Variants in NOXA1 observed in about 807,000 individuals in gnomAD.
NOXA1 encodes the protein NCF2-like protein.
Under a neutral mutation model 64.8 loss-of-function variants are expected in NOXA1, and 56 were observed. The observed-to-expected ratio is 0.86, with a 90% CI of 0.70 to 1.08. The LOEUF (loss-of-function observed/expected upper bound fraction) is 1.08. Ranked by LOEUF, NOXA1 falls within the 50% of genes least tolerant of loss-of-function variation. The pLI is 0.00. For synonymous variants in NOXA1, 295 were observed against 294.8 expected (o/e 1.00, Z -0.01); for missense variants, 668 against 658.5 (o/e 1.01, Z -0.16).
intron 3 of NOXA1, 23 bp downstream of exon 3, chr9:137,428,164 G>T: frequency 6.6e-7 from 1 of 1,516,942 alleles, no homozygotes; most frequent in South Asian, 1.2e-5. Flanking sequence ...AGGGCTCACT[G>T]TGCTGCTGGC....
In NOXA1 at chr9:137,433,790, C is replaced by G. The variant is rs1015558594; in HGVS notation, c.1105C>G (p.Pro369Ala). ...TGAGGACGGGCACTGGGTCCCCATC[C>G]CCGAGGAGGAGTCGCTGCAGAGGGC... ...PGEDGHWVPI[P>A]EEESLQRAWQ... Residue 369 changes from proline to alanine, a missense_variant, in exon 12 of 14, where the codon CCC (proline) becomes GCC (alanine). Transcript: ENST00000683555. 6.9e-7 allele frequency: 1 copy of G among 1,454,114 alleles called. No homozygotes were observed. Among genetic ancestry groups the G allele is most frequent in the Non-Finnish European group, 9.1e-7 (1 of 1,100,028 alleles). The allele number at this position is 1,454,114 out of a possible 1,614,324, so 90.1% of individuals were successfully genotyped here.
At chr9:137,427,987 C>A in intron 2 of NOXA1, 46 bp from the exon 3 acceptor site, 1 of 1,341,398 alleles carries the variant, frequency 7.5e-7, no homozygotes, top group Middle Eastern at 2.2e-4. Context: ...CTAACCACAG[C>A]CCCATCTCCG....
intron 2 of NOXA1, 92 bp downstream of exon 2, chr9:137,426,422 A>G: frequency 1.9e-6 from 2 of 1,055,044 alleles, no homozygotes; most frequent in Non-Finnish European, 2.9e-6. Context: ...CTCTCCATCC[A>G]CTCCCTCCTC....
rs1041246842 is a variant in NOXA1, at chr9:137,423,441, A to T, written c.-89A>T. ...GCGCCCGCACCTCTGCCCGCCTCGG[A>T]GACCCCGCAGCCCCGCGCCGCCGCC... On this transcript the variant is annotated 5_prime_UTR_variant, in exon 1 of 14. Coordinates refer to ENST00000683555, the MANE Select transcript of NOXA1 (RefSeq NM_001256067.2). 3 of 874,888 alleles carry T rather than the reference A, an allele frequency of 3.4e-6. No homozygotes were observed. Among genetic ancestry groups the T allele is most frequent in the Admixed American group, 9.4e-5 (2 of 21,182 alleles). The allele number at this position is 874,888 out of a possible 1,614,324, so 54.2% of individuals were successfully genotyped here.
In NOXA1 at chr9:137,431,280, C is replaced by G; in HGVS notation, c.743C>G (p.Pro248Arg). 2 of 1,612,754 alleles carry G rather than the reference C, an allele frequency of 1.2e-6. No homozygotes were observed. The highest frequency in any genetic ancestry group is 1.7e-6 in the Non-Finnish European group (2 of 1,179,950). The change falls in exon 8 of 14, where the codon CCC becomes CGC. Residue 248 changes from proline (P) to arginine (R), a missense_variant. Physicochemically the swap from Pro to Arg is moderately radical, Grantham distance 103 (BLOSUM62 -2). Coordinates refer to ENST00000683555, the MANE Select transcript of NOXA1 (RefSeq NM_001256067.2). This position sits in a 1 kb window ranked among gnomAD's most constrained non-coding sequence, Gnocchi z 5.6. ...DSPRAGTHQG[P>R]LDAETEVGAD... ...CCAAGAGCTGGCACCCACCAGGGCC[C>G]CCTCGATGCAGAGACAGAGGTCGGT...
At chr9:137,425,871 CA>C (rs577104589) in intron 1 of NOXA1, among the ~76,000 whole-genome samples, 2,229 of 107,960 alleles carry the variant, frequency 0.021, 42 homozygotes, top group African/African-American at 0.059. Context: ...GACCCCGTCT[CA>C]AAAAAAAAAA....
In NOXA1 at chr9:137,433,848, T is replaced by TG; in HGVS notation, c.1164dup (p.Gln389AlafsTer43). On this transcript the variant is annotated frameshift_variant, in exon 12 of 14. Transcript: ENST00000683555. LOFTEE classifies it high-confidence loss of function. ...GACGCAGCTGCCTGCCCCAGGGGGCTGCAGCTGCAGTGCAGGGTGAGCCAA... is the reference window on the plus strand; with the variant it reads ...GACGCAGCTGCCTGCCCCAGGGGGCTGGCAGCTGCAGTGCAGGGTGAGCCAA... 1 of 1,451,216 alleles carries TG rather than the reference T, an allele frequency of 6.9e-7. No individual in the cohort carries two copies. The highest frequency in any genetic ancestry group is 9.1e-7 in the Non-Finnish European group (1 of 1,099,450). The allele number at this position is 1,451,216 out of a possible 1,614,324, so 89.9% of individuals were successfully genotyped here.
At chr9:137,432,579 C>A (rs1333014637) in intron 8 of NOXA1, among the ~76,000 whole-genome samples, 1 of 152,196 alleles carries the variant, frequency 6.6e-6, no homozygotes, top group African/African-American at 2.4e-5. Context: ...GACTCCCTCT[C>A]AAAAAACAAC....
rs771722486 is a variant in NOXA1, at chr9:137,433,542, C to T, written c.999C>T (p.Asp333=). Residue 333 remains aspartate, a synonymous_variant, in exon 11 of 14, where the codon GAC becomes GAT. Transcript: ENST00000683555. ...CCCTGAGGGCACGAAGAGGAGCCGA[C>T]CTGTCCAGCCTGCGGGCACTGCTGG... ...TVALRARRGA[D]LSSLRALLGQ... is the part of the protein sequence containing the mutation. 1.7e-5 allele frequency: 27 copies of T among 1,581,286 alleles called. 1 individual carries two copies. The highest frequency in any genetic ancestry group is 1.6e-4 in the East Asian group (7 of 43,712).
intron 8 of NOXA1, among the ~76,000 whole-genome samples, chr9:137,432,279 CA>C (rs35916187): frequency 1.5e-3 from 152 of 102,236 alleles, no homozygotes; most frequent in African/African-American, 2.2e-3. Context: ...GACCCTGTCT[CA>C]AAAAAAAAAA....
rs1193959078 is a variant in NOXA1 at position 137,423,549 on chromosome 9, T to G, written c.20T>G (p.Leu7Arg). ...GCCGCCATGGCCTCTCTGGGGGACCTGGTGCGCGCCTGGCACCTGGGCGCG... is the reference window on the plus strand; with the variant it reads ...GCCGCCATGGCCTCTCTGGGGGACCGGGTGCGCGCCTGGCACCTGGGCGCG... MASLGD[L>R]VRAWHLGAQA... The change falls in exon 1 of 14, where the codon CTG becomes CGG. Residue 7 changes from leucine (L) to arginine (R), a missense_variant. Transcript: ENST00000683555. 1 of 1,441,538 alleles carries G rather than the reference T, an allele frequency of 6.9e-7. No individual in the cohort carries two copies. Among genetic ancestry groups the G allele is most frequent in the South Asian group, 1.4e-5 (1 of 70,150 alleles). The allele number at this position is 1,441,538 out of a possible 1,614,324, so 89.3% of individuals were successfully genotyped here. A position where few individuals can be genotyped will look rare whatever the true frequency, so the allele number is the denominator to read the frequency against.
intron 1 of NOXA1, among the ~76,000 whole-genome samples, chr9:137,424,794 C>G (rs976563429): frequency 6.6e-6 from 1 of 152,124 alleles, no homozygotes; most frequent in African/African-American, 2.4e-5. Context: ...CTTTAGACAC[C>G]AGGTGGTTCA....
At chr9:137,433,651 G>A (rs551494532) in intron 11 of NOXA1, 44 bp downstream of exon 11, 72 of 1,523,004 alleles carry the variant, frequency 4.7e-5, no homozygotes, top group Admixed American at 3.4e-4. Context: ...GCTGGGCACC[G>A]CCCCGACTGA....
In NOXA1 at chr9:137,431,406, G is replaced by T; in HGVS notation, c.804+65G>T. The T allele has an allele frequency of 7.6e-7, 1 of 1,314,600 alleles. No homozygotes were observed. Among genetic ancestry groups the T allele is most frequent in the Non-Finnish European group, 1.1e-6 (1 of 925,830 alleles). The allele number at this position is 1,314,600 out of a possible 1,614,324, so 81.4% of individuals were successfully genotyped here. ...GCTTCTGCTGCCTCCGCAGACTGGGGACCACAATGGGACCAACATGAGGGT... is the reference window on the plus strand; with the variant it reads ...GCTTCTGCTGCCTCCGCAGACTGGGTACCACAATGGGACCAACATGAGGGT... On this transcript the variant is annotated intron_variant, in intron 8 of 13. Coordinates refer to ENST00000683555, the MANE Select transcript of NOXA1 (RefSeq NM_001256067.2). The surrounding 1 kb of genome is among the most constrained non-coding windows in gnomAD (Gnocchi z 5.6).
chr9:137,432,481 G>A (rs1321672788), intron 8 of NOXA1, among the ~76,000 whole-genome samples: 4 of 152,282 alleles, frequency 2.6e-5, no homozygotes, highest in East Asian at 1.9e-4. Context: ...TCAGGAGGCA[G>A]AGCCAGGAGA....
chr9:137,428,014 G>T lies in NOXA1; in HGVS notation c.261-19G>T. 1.3e-6 allele frequency: 2 copies of T among 1,539,256 alleles called. No homozygotes were observed. Among genetic ancestry groups the T allele is most frequent in the Non-Finnish European group, 1.8e-6 (2 of 1,136,450 alleles). ...CCATCTCCGCCCTGTGCTGCTGAGGGGACCCCGGCTGCCCACAGGTTCCAG... is the reference window on the plus strand; with the variant it reads ...CCATCTCCGCCCTGTGCTGCTGAGGTGACCCCGGCTGCCCACAGGTTCCAG... On this transcript the variant is annotated intron_variant, in intron 2 of 13. Transcript: ENST00000683555.
chr9:137,429,524 TGGCGCCCAC>T lies in NOXA1; in HGVS notation c.612+144_612+152del, dbSNP rs893062818. On this transcript the variant is annotated intron_variant, in intron 5 of 13. Coordinates refer to ENST00000683555, the MANE Select transcript of NOXA1 (RefSeq NM_001256067.2). Reference sequence around the variant, plus strand: ...AGTGGGCCCACAGCCATCCTCAAACTGGCGCCCACGGTAGGGGGGCGGTGCCCCAAATGG... The same window carrying T: ...AGTGGGCCCACAGCCATCCTCAAACTGGTAGGGGGGCGGTGCCCCAAATGG... The T allele has an allele frequency of 4.8e-6, 3 of 624,520 alleles. No individual in the cohort carries two copies. The African/African-American group carries it at 5.6e-5, about 12-fold the overall frequency. The allele number at this position is 624,520 out of a possible 1,614,324, so 38.7% of individuals were successfully genotyped here. A position where few individuals can be genotyped will look rare whatever the true frequency, so the allele number is the denominator to read the frequency against.
Position 137,431,446 on chromosome 9 carries a change from G to A in NOXA1, c.804+105G>A, listed in dbSNP as rs7467896. ...AACATGAGGGTGGAGGGAGCAGCTC[G>A]CTGGGGGGTAGACGGGGCCGGGCTC... On this transcript the variant is annotated intron_variant, in intron 8 of 13. Transcript: ENST00000683555. This position sits in a 1 kb window ranked among gnomAD's most constrained non-coding sequence, Gnocchi z 5.6. 803,610 of 919,304 alleles carry A rather than the reference G, an allele frequency of 0.87. 352,569 individuals are homozygous for A. The highest frequency in any genetic ancestry group is 1 in the East Asian group (38,152 of 38,176). 56.9% of individuals were successfully genotyped at this position (919,304 alleles called of 1,614,324 possible).
Position 137,431,183 on chromosome 9 carries a change from C to T in NOXA1, c.699-53C>T, listed in dbSNP as rs1839092650. On this transcript the variant is annotated intron_variant, in intron 7 of 13. Coordinates refer to ENST00000683555, the MANE Select transcript of NOXA1 (RefSeq NM_001256067.2). The surrounding 1 kb of genome is among the most constrained non-coding windows in gnomAD (Gnocchi z 5.6). Reference sequence around the variant, plus strand: ...TCCACATGGGGCCACGCGGGCCGGGCACAGGAGGGCAGTCAGATGGGCAGG... The same window carrying T: ...TCCACATGGGGCCACGCGGGCCGGGTACAGGAGGGCAGTCAGATGGGCAGG... 6.2e-7 allele frequency: 1 copy of T among 1,609,072 alleles called. No individual in the cohort carries two copies.
Sources: gnomAD v4.1 joint callset for allele counts (sites outside exome capture counted in the v4.1 genomes callset) on GRCh38, gnomAD v4.1.1 for gene constraint, Gnocchi (gnomAD v3.1) non-coding constraint, MANE v1.5 for transcripts, NCBI Gene and HGNC (gene_info 2026-07-23, HGNC 2026-07-21) for gene names.